The following KBTBD11 variants were observed in gnomAD, a reference collection of about 807,000 sequenced individuals.
KBTBD11 encodes kelch repeat and BTB domain-containing protein 11.
For synonymous variants in KBTBD11, 747 were observed against 499.0 expected (o/e 1.50, Z -6.63); for missense variants, 1,390 against 1,001.8 (o/e 1.39, Z -5.23).
At chr8:1,994,578 T>G (rs758845646) in intron 1 of KBTBD11, among the ~76,000 whole-genome samples, 1 of 152,208 alleles carries the variant, frequency 6.6e-6, no homozygotes, top group Non-Finnish European at 1.5e-5. Flanking sequence ...TGAAATCACA[T>G]AAATGGCTAA....
chr8:2,002,874 C>G lies in KBTBD11; in HGVS notation c.1682C>G (p.Ala561Gly). 2 of 1,346,356 alleles carry G rather than the reference C, an allele frequency of 1.5e-6. No homozygotes were observed. Among genetic ancestry groups the G allele is most frequent in the Non-Finnish European group, 1.9e-6 (2 of 1,055,400 alleles). The allele number at this position is 1,346,356 out of a possible 1,614,324, so 83.4% of individuals were successfully genotyped here. A position where few individuals can be genotyped will look rare whatever the true frequency, so the allele number is the denominator to read the frequency against. The change falls in exon 2 of 2, where the codon GCC becomes GGC. Residue 561 changes from alanine (A) to glycine (G), a missense_variant. Physicochemically the swap from Ala to Gly is moderately conservative, Grantham distance 60. Transcript: ENST00000320248. The surrounding 1 kb of genome is among the most constrained non-coding windows in gnomAD (Gnocchi z 4.1). ...QPFRCAALDG[A>G]IYCVSRAGTW... ...TTCCGCTGCGCCGCCCTGGACGGCG[C>G]CATCTACTGCGTGAGCCGCGCGGGC...
Position 2,001,693 on chromosome 8 carries a change from G to A in KBTBD11, c.501G>A (p.Ala167=). The change falls in exon 2 of 2, where the codon GCG becomes GCA. Residue 167 remains alanine (A), a synonymous_variant. Coordinates refer to ENST00000320248, the MANE Select transcript of KBTBD11 (RefSeq NM_014867.3). Reference sequence around the variant, plus strand: ...CGGCGCGCAGCGACTACTTCCGCGCGCGCGCGTCGCGGGACGTGCTGCGGG... The same window carrying A: ...CGGCGCGCAGCGACTACTTCCGCGCACGCGCGTCGCGGGACGTGCTGCGGG... ...VLAARSDYFR[A]RASRDVLRVQ... The A allele has an allele frequency of 7.0e-7, 1 of 1,435,454 alleles. No homozygotes were observed. Among genetic ancestry groups the A allele is most frequent in the Non-Finnish European group, 9.1e-7 (1 of 1,099,508 alleles). The allele number at this position is 1,435,454 out of a possible 1,614,324, so 88.9% of individuals were successfully genotyped here.
Position 2,003,231 on chromosome 8 carries a change from T to C in KBTBD11, c.*167T>C. On this transcript the variant is annotated 3_prime_UTR_variant, in exon 2 of 2. Transcript: ENST00000320248. ...GCTCTCAGGGCCGCTTTCGCTTTGCTTTCCTTTTGCTTGTCTTTGCTTCTG... is the reference window on the plus strand; with the variant it reads ...GCTCTCAGGGCCGCTTTCGCTTTGCCTTCCTTTTGCTTGTCTTTGCTTCTG... 1 of 1,121,360 alleles carries C rather than the reference T, an allele frequency of 8.9e-7. No individual in the cohort carries two copies. The highest frequency in any genetic ancestry group is 1.1e-6 in the Non-Finnish European group (1 of 875,466). 69.5% of individuals were successfully genotyped at this position (1,121,360 alleles called of 1,614,324 possible). A position where few individuals can be genotyped will look rare whatever the true frequency, so the allele number is the denominator to read the frequency against.
chr8:1,987,814 T>C (rs190319182), intron 1 of KBTBD11, among the ~76,000 whole-genome samples: 21 of 152,212 alleles, frequency 1.4e-4, no homozygotes, highest in African/African-American at 4.8e-4. Context: ...ACATGTGCCA[T>C]GTTGGTTTGC....
intron 1 of KBTBD11, among the ~76,000 whole-genome samples, chr8:1,988,993 G>C (rs899357506): frequency 6.6e-6 from 1 of 152,056 alleles, no homozygotes; most frequent in Non-Finnish European, 1.5e-5. Flanking sequence ...ACTCAACTTT[G>C]ATTTCAGTTT....
chr8:1,979,193 G>T (rs1014029303), intron 1 of KBTBD11, among the ~76,000 whole-genome samples: 1 of 152,210 alleles, frequency 6.6e-6, no homozygotes, highest in African/African-American at 2.4e-5. Flanking sequence ...GATAGCCAGG[G>T]AAGTGCTGGC....
intron 1 of KBTBD11, among the ~76,000 whole-genome samples, chr8:1,990,562 C>T (rs1262576234): frequency 7.7e-5 from 2 of 25,974 alleles, no homozygotes; most frequent in East Asian, 1.2e-3. Flanking sequence ...GCGCCCTGTC[C>T]GGGTAGATGC....
At chr8:1,994,263 C>A (rs771599473) in intron 1 of KBTBD11, among the ~76,000 whole-genome samples, 2 of 151,376 alleles carry the variant, frequency 1.3e-5, no homozygotes, top group African/African-American at 2.5e-5. Context: ...CCGGGCCTGC[C>A]CCAGGATCCC....
At chr8:1,996,897 T>G (rs1817161842) in intron 1 of KBTBD11, among the ~76,000 whole-genome samples, 2 of 152,134 alleles carry the variant, frequency 1.3e-5, no homozygotes, top group African/African-American at 4.8e-5. Flanking sequence ...GCTACATATA[T>G]TTTATTATTT....
chr8:2,002,690 G>A lies in KBTBD11; in HGVS notation c.1498G>A (p.Gly500Ser). ...ERSADMVALD[G>S]FIYRFDLSGS... Reference sequence around the variant, plus strand: ...CTCGGCCGACATGGTGGCTCTCGACGGCTTCATCTACCGCTTCGATCTGAG... The same window carrying A: ...CTCGGCCGACATGGTGGCTCTCGACAGCTTCATCTACCGCTTCGATCTGAG... Residue 500 changes from glycine (G) to serine (S), a missense_variant, in exon 2 of 2, where the codon GGC becomes AGC. Physicochemically the swap from Gly to Ser is moderately conservative, Grantham distance 56 (BLOSUM62 0). Transcript: ENST00000320248. The surrounding 1 kb of genome is among the most constrained non-coding windows in gnomAD (Gnocchi z 4.1). 3 of 1,557,572 alleles carry A rather than the reference G, an allele frequency of 1.9e-6. No individual in the cohort carries two copies. Among genetic ancestry groups the A allele is most frequent in the African/African-American group, 1.4e-5 (1 of 72,316 alleles).
At chr8:1,992,404 G>C (rs1816952361) in intron 1 of KBTBD11, among the ~76,000 whole-genome samples, 1 of 151,992 alleles carries the variant, frequency 6.6e-6, no homozygotes, top group East Asian at 1.9e-4. Flanking sequence ...GGGAGGAAGG[G>C]CCAGACGGAT....
At chr8:1,998,835 T>C (rs1009141863) in intron 1 of KBTBD11, among the ~76,000 whole-genome samples, 1 of 152,254 alleles carries the variant, frequency 6.6e-6, no homozygotes, top group African/African-American at 2.4e-5. Context: ...TCAGGGCTGG[T>C]GCCCTTCACC....
chr8:2,001,794 CCGA>C lies in KBTBD11; in HGVS notation c.604_606del (p.Asp202del). 2.4e-6 allele frequency: 3 copies of C among 1,254,556 alleles called. No homozygotes were observed. The highest frequency in any genetic ancestry group is 3.0e-6 in the Non-Finnish European group (3 of 1,003,756). The allele number at this position is 1,254,556 out of a possible 1,614,324, so 77.7% of individuals were successfully genotyped here. On this transcript the variant is annotated inframe_deletion, in exon 2 of 2. Transcript: ENST00000320248. ...AGCGGGCGCATGGCGGGCGTGCGGC[CCGA>C]CAACGTGGCCGAGGTGGTGGCCGGC...
chr8:2,001,264 C>G lies in KBTBD11; in HGVS notation c.72C>G (p.Ser24Arg). The change falls in exon 2 of 2, where the codon AGC becomes AGG. Residue 24 changes from serine to arginine, a missense_variant. Coordinates refer to ENST00000320248, the MANE Select transcript of KBTBD11 (RefSeq NM_014867.3). ...CCGGGGCTGCCGGGGAGAGCGAGAG[C>G]GAGGGCGCCGCGTCCCCGGCGCAGA... ...TEPGAAGESE[S>R]EGAASPAQTP... 2.6e-6 allele frequency: 4 copies of G among 1,513,794 alleles called. No individual in the cohort carries two copies. The highest frequency in any genetic ancestry group is 3.5e-6 in the Non-Finnish European group (4 of 1,137,944). 93.8% of individuals were successfully genotyped at this position (1,513,794 alleles called of 1,614,324 possible).
chr8:2,001,986 A>AGGTGCTGCGCGAGCCCGCCGT lies in KBTBD11; in HGVS notation c.796_816dup (p.Val266_Val272dup), dbSNP rs1372404471. The stretch of plus-strand genomic sequence containing the variant: ...TGCTTCATGAGCGACCACTATCTGG[A>AGGTGCTGCGCGAGCCCGCCGT]GGTGCTGCGCGAGCCCGCCGTGTTC... On this transcript the variant is annotated inframe_insertion, in exon 2 of 2. Coordinates refer to ENST00000320248, the MANE Select transcript of KBTBD11 (RefSeq NM_014867.3). 1 of 1,441,754 alleles carries AGGTGCTGCGCGAGCCCGCCGT rather than the reference A, an allele frequency of 6.9e-7. No individual in the cohort carries two copies. Among genetic ancestry groups the AGGTGCTGCGCGAGCCCGCCGT allele is most frequent in the Middle Eastern group, 2.0e-4 (1 of 5,044 alleles). 89.3% of individuals were successfully genotyped at this position (1,441,754 alleles called of 1,614,324 possible). A position where few individuals can be genotyped will look rare whatever the true frequency, so the allele number is the denominator to read the frequency against.
At position 2,002,182 on chromosome 8, in the gene KBTBD11, C is replaced by T; in HGVS notation, c.990C>T (p.Phe330=). Reference sequence around the variant, plus strand: ...GCGGGGACGCGGCCGTCTACTGCTTCCACGCGGCGGCCGGAGAGTGGCGCG... The same window carrying T: ...GCGGGGACGCGGCCGTCTACTGCTTTCACGCGGCGGCCGGAGAGTGGCGCG... ...DARGDAAVYC[F]HAAAGEWREL... Residue 330 remains phenylalanine (F), a synonymous_variant, in exon 2 of 2, where the codon TTC becomes TTT. Coordinates refer to ENST00000320248, the MANE Select transcript of KBTBD11 (RefSeq NM_014867.3). The surrounding 1 kb of genome is among the most constrained non-coding windows in gnomAD (Gnocchi z 4.1). The T allele has an allele frequency of 8.0e-7, 1 of 1,246,362 alleles. No individual in the cohort carries two copies. The highest frequency in any genetic ancestry group is 1.0e-6 in the Non-Finnish European group (1 of 997,792). 77.2% of individuals were successfully genotyped at this position (1,246,362 alleles called of 1,614,324 possible).
chr8:1,984,540 G>T (rs1472089671), intron 1 of KBTBD11, among the ~76,000 whole-genome samples: 1 of 152,062 alleles, frequency 6.6e-6, no homozygotes, highest in African/African-American at 2.4e-5. Flanking sequence ...CCCCGCCTCA[G>T]CCTCCCAATG....
intron 1 of KBTBD11, among the ~76,000 whole-genome samples, chr8:1,981,791 G>T (rs768948074): frequency 6.6e-6 from 1 of 152,192 alleles, no homozygotes; most frequent in Non-Finnish European, 1.5e-5. Flanking sequence ...TCTGGGACTT[G>T]CATCAGTGGT....
At position 2,001,912 on chromosome 8, in the gene KBTBD11, G is replaced by T; in HGVS notation, c.720G>T (p.Leu240=). 2 of 1,454,034 alleles carry T rather than the reference G, an allele frequency of 1.4e-6. No individual in the cohort carries two copies. Among genetic ancestry groups the T allele is most frequent in the Non-Finnish European group, 1.8e-6 (2 of 1,098,112 alleles). 90.1% of individuals were successfully genotyped at this position (1,454,034 alleles called of 1,614,324 possible). A position where few individuals can be genotyped will look rare whatever the true frequency, so the allele number is the denominator to read the frequency against. Residue 240 remains leucine, a synonymous_variant, in exon 2 of 2, where the codon CTG becomes CTT. Coordinates refer to ENST00000320248, the MANE Select transcript of KBTBD11 (RefSeq NM_014867.3). Reference sequence around the variant, plus strand: ...GCCTGGCCAACTGCTACGAGGTCCTGAGCGCGGCCAAGCGGCAGCGGCTGA... The same window carrying T: ...GCCTGGCCAACTGCTACGAGGTCCTTAGCGCGGCCAAGCGGCAGCGGCTGA... ...QLSLANCYEV[L]SAAKRQRLNE... is the part of the protein sequence containing the mutation.
Sources: gnomAD v4.1 joint callset for allele counts (sites outside exome capture counted in the v4.1 genomes callset) on GRCh38, gnomAD v4.1.1 for gene constraint, Gnocchi (gnomAD v3.1) non-coding constraint, MANE v1.5 for transcripts, NCBI Gene and HGNC (gene_info 2026-07-23, HGNC 2026-07-21) for gene names.